The following ARHGAP33 variants were observed in gnomAD, a reference collection of about 807,000 sequenced individuals.
ARHGAP33 encodes the protein rho GTPase-activating protein 33.
ARHGAP33 carries 57 observed loss-of-function variants against 126.2 expected under a neutral mutation model. The observed-to-expected ratio is 0.45, with a 90% confidence interval of 0.36 to 0.56. ARHGAP33 has a LOEUF of 0.56. ARHGAP33 is among the 20% of genes least tolerant of loss of function. The pLI, the probability that ARHGAP33 is intolerant of heterozygous loss-of-function variation, is 0.00. For synonymous variants in ARHGAP33, 711 were observed against 755.0 expected (o/e 0.94, Z 0.95); for missense variants, 1,500 against 1,748.3 (o/e 0.86, Z 2.53).
chr19:35,776,262 C>T (rs1225218835), intron 1 of ARHGAP33, among the ~76,000 whole-genome samples: 1 of 151,762 alleles, frequency 6.6e-6, no homozygotes, highest in Non-Finnish European at 1.5e-5. Flanking sequence ...CAGCACTGTA[C>T]CTCCCTTGAT....
Position 35,782,723 on chromosome 19 carries a change from G to T in ARHGAP33, c.1314-39G>T, listed in dbSNP as rs758938279. On this transcript the variant is annotated intron_variant, in intron 14 of 20. Coordinates refer to ENST00000007510, the MANE Select transcript of ARHGAP33 (RefSeq NM_001366178.1). The surrounding 1 kb of genome is among the most constrained non-coding windows in gnomAD (Gnocchi z 4.1). ...GGCGGGACTTGGTGGGATTCCAAGG[G>T]GGTTGAGGCTCAGGTGCCCCCTCTG... The T allele has an allele frequency of 1.9e-6, 3 of 1,611,002 alleles. No individual in the cohort carries two copies. The highest frequency in any genetic ancestry group is 2.5e-6 in the Non-Finnish European group (3 of 1,178,596).
rs778736257 is a variant in ARHGAP33, at chr19:35,782,884, C to G, written c.1421+15C>G. On this transcript the variant is annotated intron_variant, in intron 15 of 20. Coordinates refer to ENST00000007510, the MANE Select transcript of ARHGAP33 (RefSeq NM_001366178.1). The surrounding 1 kb of genome is among the most constrained non-coding windows in gnomAD (Gnocchi z 4.1). Reference sequence around the variant, plus strand: ...AACCTGCTACGGTGAGCTGCTTGCTCGCCTGCCTGCCCCTCAGGTCTTTCC... The same window carrying G: ...AACCTGCTACGGTGAGCTGCTTGCTGGCCTGCCTGCCCCTCAGGTCTTTCC... 12 of 1,594,994 alleles carry G rather than the reference C, an allele frequency of 7.5e-6. No individual in the cohort carries two copies. The African/African-American group carries it at 1.6e-4, about 21-fold the overall frequency.
intron 3 of ARHGAP33, 123 bp downstream of exon 3, chr19:35,778,031 G>A: frequency 8.5e-7 from 1 of 1,170,318 alleles, no homozygotes; most frequent in Non-Finnish European, 1.2e-6. Context: ...CGTCTGAGCA[G>A]TCAGTAGCAA....
intron 1 of ARHGAP33, among the ~76,000 whole-genome samples, chr19:35,775,874 A>G (rs74331004): frequency 0.095 from 14,386 of 150,944 alleles, 758 homozygotes; most frequent in South Asian, 0.11. Flanking sequence ...CACGCCCTGG[A>G]TGGGGTGACA....
In ARHGAP33 at chr19:35,786,236, G is replaced by A. The variant is rs1305637998; in HGVS notation, c.1943-177G>A. Reference sequence around the variant, plus strand: ...CCTGTGGGGCAGCCACAGGGCCTTCGTGCTTTGGGCCGGAAGTGTCCTCTT... The same window carrying A: ...CCTGTGGGGCAGCCACAGGGCCTTCATGCTTTGGGCCGGAAGTGTCCTCTT... On this transcript the variant is annotated intron_variant, in intron 19 of 20. Coordinates refer to ENST00000007510, the MANE Select transcript of ARHGAP33 (RefSeq NM_001366178.1). This position sits in a 1 kb window ranked among gnomAD's most constrained non-coding sequence, Gnocchi z 7.0. 1.9e-5 allele frequency: 27 copies of A among 1,419,906 alleles called. No individual in the cohort carries two copies. The highest frequency in any genetic ancestry group is 1.8e-4 in the East Asian group (7 of 39,252). 88.0% of individuals were successfully genotyped at this position (1,419,906 alleles called of 1,614,324 possible).
chr19:35,781,084 G>GGGGGCCCCCCC lies in ARHGAP33; in HGVS notation c.982+12_982+13insGGGGCCCCCCC. 6.2e-7 allele frequency: 1 copy of GGGGGCCCCCCC among 1,607,598 alleles called. No homozygotes were observed. The highest frequency in any genetic ancestry group is 8.5e-7 in the Non-Finnish European group (1 of 1,176,514). ...CTCAGGCCAGGATGGTGAGGCCGGGGCCCACCCACCCCACCCGTCACACCA... is the reference window on the plus strand; with the variant it reads ...CTCAGGCCAGGATGGTGAGGCCGGGGGGGGCCCCCCCCCCACCCACCCCACCCGTCACACCA... On this transcript the variant is annotated intron_variant, in intron 11 of 20. Transcript: ENST00000007510.
chr19:35,783,840 G>T (rs1416788277), intron 15 of ARHGAP33, among the ~76,000 whole-genome samples: 1 of 151,604 alleles, frequency 6.6e-6, no homozygotes, highest in African/African-American at 2.4e-5. Context: ...GGGACCGGAA[G>T]GAGGCTCTGG....
rs747609548 is a variant in ARHGAP33, at chr19:35,777,705, G to A, written c.67G>A (p.Ala23Thr). The change falls in exon 2 of 21, where the codon GCT becomes ACT. Residue 23 changes from alanine to threonine, a missense_variant. By Grantham distance (58) the Ala-to-Thr change is moderately conservative. This residue lies in a region of ARHGAP33 where 129 missense variants were observed against 145.9 expected (regional missense o/e 0.88). Coordinates refer to ENST00000007510, the MANE Select transcript of ARHGAP33 (RefSeq NM_001366178.1). ...GGGCTCGGTGCAGCCTCTACCCACT[G>A]CTGGGGGGCCCAGTGTGAAGGGGAA... ...GEGSVQPLPT[A>T]GGPSVKGKPG... is the part of the protein sequence containing the mutation. 6.7e-5 allele frequency: 107 copies of A among 1,604,748 alleles called. No individual in the cohort carries two copies. The highest frequency in any genetic ancestry group is 8.9e-5 in the Non-Finnish European group (105 of 1,175,726).
In ARHGAP33 at chr19:35,785,471, G is replaced by A. The variant is rs1465105970; in HGVS notation, c.1930G>A (p.Ala644Thr). Reference sequence around the variant, plus strand: ...GAGCGAGGAGTCTCTGTCATCGCAGGCCAGCGGGGCTGGTGAGCAAGGCGG... The same window carrying A: ...GAGCGAGGAGTCTCTGTCATCGCAGACCAGCGGGGCTGGTGAGCAAGGCGG... Reference protein sequence around the residue: ...AKSEESLSSQASGAGLQRLHR... With the variant: ...AKSEESLSSQTSGAGLQRLHR... The change falls in exon 19 of 21, where the codon GCC becomes ACC. Residue 644 changes from alanine (A) to threonine (T), a missense_variant. Transcript: ENST00000007510. 2 of 1,614,078 alleles carry A rather than the reference G, an allele frequency of 1.2e-6. No individual in the cohort carries two copies. Among genetic ancestry groups the A allele is most frequent in the East Asian group, 4.5e-5 (2 of 44,894 alleles).
rs202050153 is a variant in ARHGAP33, at chr19:35,787,216, G to T, written c.2651G>T (p.Arg884Leu). Reference protein sequence around the residue: ...PLPPPPLSLLRPGGAPPPPPK... With the variant: ...PLPPPPLSLLLPGGAPPPPPK... Reference sequence around the variant, plus strand: ...CCACCCCCTCCCCTGTCTCTCCTGCGCCCTGGGGGTGCCCCACCCCCGCCC... The same window carrying T: ...CCACCCCCTCCCCTGTCTCTCCTGCTCCCTGGGGGTGCCCCACCCCCGCCC... The change falls in exon 21 of 21, where the codon CGC (arginine) becomes CTC (leucine). Residue 884 changes from arginine (R) to leucine (L), a missense_variant. Around this residue, in one of 6 missense-constraint regions of ARHGAP33, gnomAD observed 642 missense variants for 634.0 expected, o/e 1.01. Transcript: ENST00000007510. 83 of 1,610,250 alleles carry T rather than the reference G, an allele frequency of 5.2e-5. No individual in the cohort carries two copies. The East Asian group carries it at 1.8e-3, about 34-fold the overall frequency.
chr19:35,784,029 G>A, intron 15 of ARHGAP33, 143 bp from the exon 16 acceptor site: 1 of 637,976 alleles, frequency 1.6e-6, no homozygotes, highest in Non-Finnish European at 2.6e-6. Flanking sequence ...GGGGAAGGTT[G>A]AGAGCCCAGC....
rs776419803 is a variant in ARHGAP33 at position 35,787,832 on chromosome 19, C to A, written c.3267C>A (p.Ile1089=). The change falls in exon 21 of 21, where the codon ATC becomes ATA. Residue 1089 remains isoleucine, a synonymous_variant. Coordinates refer to ENST00000007510, the MANE Select transcript of ARHGAP33 (RefSeq NM_001366178.1). ...GGGGAGAGAACCTGTACTATGAGATCGGGGCAAGTGAGGGGTCCCCCTATT... is the reference window on the plus strand; with the variant it reads ...GGGGAGAGAACCTGTACTATGAGATAGGGGCAAGTGAGGGGTCCCCCTATT... ...LDRGENLYYE[I]GASEGSPYSG... 6.2e-7 allele frequency: 1 copy of A among 1,607,694 alleles called. No homozygotes were observed. Among genetic ancestry groups the A allele is most frequent in the East Asian group, 2.2e-5 (1 of 44,850 alleles).
At position 35,787,940 on chromosome 19, in the gene ARHGAP33, A is replaced by G. The variant is rs767117152; in HGVS notation, c.3375A>G (p.Ser1125=). ...LNASYGMLGQ[S]PPLHRSPDFL... is the part of the protein sequence containing the mutation. ...CCTCCTACGGCATGCTTGGCCAATC[A>G]CCCCCACTCCACAGGTCCCCCGACT... is the stretch of plus-strand genomic sequence containing the variant. Residue 1125 remains serine (S), a synonymous_variant, in exon 21 of 21, where the codon TCA becomes TCG. Transcript: ENST00000007510. 1.6e-4 allele frequency: 165 copies of G among 1,040,652 alleles called. No homozygotes were observed. In the Middle Eastern group the frequency reaches 1.8e-3, roughly 12 times the overall value. The allele number at this position is 1,040,652 out of a possible 1,614,324, so 64.5% of individuals were successfully genotyped here.
chr19:35,782,586 C>T lies in ARHGAP33; in HGVS notation c.1231-11C>T. 6.2e-7 allele frequency: 1 copy of T among 1,613,816 alleles called. No homozygotes were observed. Among genetic ancestry groups the T allele is most frequent in the Non-Finnish European group, 8.5e-7 (1 of 1,179,914 alleles). Reference sequence around the variant, plus strand: ...TGGCCCAGACCTCATCACACCTGCCCACCATCTCAGGAGGCCATGTCAGTG... The same window carrying T: ...TGGCCCAGACCTCATCACACCTGCCTACCATCTCAGGAGGCCATGTCAGTG... On this transcript the variant is annotated splice_polypyrimidine_tract_variant and intron_variant, in intron 13 of 20. Transcript: ENST00000007510. The surrounding 1 kb of genome is among the most constrained non-coding windows in gnomAD (Gnocchi z 4.1).
intron 5 of ARHGAP33, 111 bp from the exon 6 acceptor site, chr19:35,778,921 C>T (rs1487264028): frequency 2.2e-6 from 2 of 914,716 alleles, no homozygotes; most frequent in Admixed American, 2.1e-5. Flanking sequence ...CTGAGCAGCA[C>T]CCATGTGTTC....
rs1027735867 is a variant in ARHGAP33 at position 35,787,237 on chromosome 19, C to T, written c.2672C>T (p.Pro891Leu). ...SLLRPGGAPP[P>L]PPKNPARLMA... is the part of the protein sequence containing the mutation. Reference sequence around the variant, plus strand: ...CTGCGCCCTGGGGGTGCCCCACCCCCGCCCCCTAAGAACCCAGCACGCCTC... The same window carrying T: ...CTGCGCCCTGGGGGTGCCCCACCCCTGCCCCCTAAGAACCCAGCACGCCTC... Residue 891 changes from proline (P) to leucine (L), a missense_variant, in exon 21 of 21, where the codon CCG (proline) becomes CTG (leucine). By Grantham distance (98) the Pro-to-Leu change is moderately conservative. Coordinates refer to ENST00000007510, the MANE Select transcript of ARHGAP33 (RefSeq NM_001366178.1). The T allele has an allele frequency of 2.3e-5, 37 of 1,609,988 alleles. No homozygotes were observed. The highest frequency in any genetic ancestry group is 3.3e-4 in the Middle Eastern group (2 of 6,066).
In ARHGAP33 at chr19:35,780,242, G is replaced by A. The variant is rs1971684296; in HGVS notation, c.533G>A (p.Ser178Asn). ...LDNHGRRLLLSEEASLNIPAV... is the reference protein window; with the variant it reads ...LDNHGRRLLLNEEASLNIPAV... ...AATCACGGCCGGCGACTGCTCCTCA[G>A]TGAGGAGGCGTCACTCAATATCCCT... is the stretch of plus-strand genomic sequence containing the variant. Residue 178 changes from serine to asparagine, a missense_variant, in exon 7 of 21, where the codon AGT (serine) becomes AAT (asparagine). Coordinates refer to ENST00000007510, the MANE Select transcript of ARHGAP33 (RefSeq NM_001366178.1). 6.2e-7 allele frequency: 1 copy of A among 1,613,866 alleles called. No homozygotes were observed. The highest frequency in any genetic ancestry group is 1.3e-5 in the African/African-American group (1 of 74,906).
chr19:35,787,896 C>A lies in ARHGAP33; in HGVS notation c.3331C>A (p.Pro1111Thr), dbSNP rs866734274. 7.4e-6 allele frequency: 11 copies of A among 1,480,080 alleles called. No individual in the cohort carries two copies. Among genetic ancestry groups the A allele is most frequent in the Admixed American group, 1.8e-5 (1 of 54,758 alleles). The allele number at this position is 1,480,080 out of a possible 1,614,324, so 91.7% of individuals were successfully genotyped here. The change falls in exon 21 of 21, where the codon CCC becomes ACC. Residue 1111 changes from proline to threonine, a missense_variant. Pro to Thr is a conservative substitution (Grantham distance 38, BLOSUM62 -1). Coordinates refer to ENST00000007510, the MANE Select transcript of ARHGAP33 (RefSeq NM_001366178.1). ...CTCCTGGAGTCCCTTTCGCTCCATGCCCCCCGACAGGCTCAATGCCTCCTA... is the reference window on the plus strand; with the variant it reads ...CTCCTGGAGTCCCTTTCGCTCCATGACCCCCGACAGGCTCAATGCCTCCTA... ...TRSWSPFRSM[P>T]PDRLNASYGM...
At chr19:35,787,104 C>A in intron 20 of ARHGAP33, 32 bp downstream of exon 20, 1 of 1,598,748 alleles carries the variant, frequency 6.3e-7, no homozygotes, top group Non-Finnish European at 8.5e-7. Context: ...CCCCTGTCCC[C>A]GCCAGCTGTC....
Sources: gnomAD v4.1 joint callset for allele counts (sites outside exome capture counted in the v4.1 genomes callset) on GRCh38, gnomAD v4.1.1 for gene constraint, gnomAD v4.1.1 regional missense constraint, Gnocchi (gnomAD v3.1) non-coding constraint, MANE v1.5 for transcripts, NCBI Gene and HGNC (gene_info 2026-07-23, HGNC 2026-07-21) for gene names.